MTFR2: variants seen among roughly 807,000 people sequenced by gnomAD.
MTFR2 encodes the protein DUF729 domain-containing protein 1.
In MTFR2, 44 loss-of-function variants were observed where a neutral mutation model predicts 41.2. The observed-to-expected ratio is 1.07, with a 90% CI of 0.84 to 1.37. The LOEUF (loss-of-function observed/expected upper bound fraction) is 1.37. Ranked by LOEUF, MTFR2 falls within the 40% of genes most tolerant of loss-of-function variation. The probability of loss-of-function intolerance (pLI) is 0.00; values close to 1 mark genes in which losing one functional copy is unlikely to be tolerated. For synonymous variants in MTFR2, 141 were observed against 154.6 expected, an observed-to-expected ratio of 0.91 and a Z score of 0.65; for missense variants, 452 against 459.5, an observed-to-expected ratio of 0.98 and a Z score of 0.15.
intron 5 of MTFR2, among the ~76,000 whole-genome samples, chr6:136,240,601 G>A (rs1403075651): frequency 1.3e-5 from 2 of 152,102 alleles, no homozygotes; most frequent in South Asian, 2.1e-4. Flanking sequence ...GTGTATGTGT[G>A]TGCATAAGTT....
intron 5 of MTFR2, 111 bp from the exon 6 acceptor site, chr6:136,239,931 C>T (rs1002559092): frequency 1.3e-5 from 10 of 793,202 alleles, no homozygotes; most frequent in South Asian, 2.1e-5. Flanking sequence ...ATGCTAGTAG[C>T]GATATGGTAG....
intron 7 of MTFR2, among the ~76,000 whole-genome samples, chr6:136,232,474 G>C (rs1231813890): frequency 1.3e-5 from 2 of 152,110 alleles, no homozygotes; most frequent in African/African-American, 4.8e-5. Flanking sequence ...GGTCAGGCTG[G>C]TCTCGAACTC....
At chr6:136,236,757 A>T (rs1410467384) in intron 6 of MTFR2, among the ~76,000 whole-genome samples, 1 of 152,172 alleles carries the variant, frequency 6.6e-6, no homozygotes, top group African/African-American at 2.4e-5. Flanking sequence ...TTAAAAACAG[A>T]ACTGACTTAT....
intron 2 of MTFR2, chr6:136,248,692 T>G (rs1780283156): frequency 3.8e-6 from 1 of 262,568 alleles, no homozygotes; most frequent in Non-Finnish European, 7.1e-6. Context: ...ATTAGATTTA[T>G]TCTGGATTTA....
intron 2 of MTFR2, among the ~76,000 whole-genome samples, chr6:136,246,659 T>G (rs1780219684): frequency 6.6e-6 from 1 of 152,162 alleles, no homozygotes; most frequent in Admixed American, 6.5e-5. Context: ...CTAATTTTCC[T>G]ACCAAGCATG....
intron 4 of MTFR2, among the ~76,000 whole-genome samples, chr6:136,241,981 G>A (rs919356338): frequency 1.3e-4 from 19 of 150,056 alleles, no homozygotes; most frequent in Admixed American, 8.0e-4. Context: ...TCAGGAGGCT[G>A]AGGCAGGAGA....
rs1187854928 is a variant in MTFR2 at position 136,241,382 on chromosome 6, G to A, written c.514+62C>T. ...ATTCAGTACAGTATCATGCTGTACAGGTTGGTATAGGCTATACCATGAGTA... is the reference window on the plus strand; with the variant it reads ...ATTCAGTACAGTATCATGCTGTACAAGTTGGTATAGGCTATACCATGAGTA... On this transcript the variant is annotated intron_variant, in intron 5 of 7. Transcript: ENST00000420702. The A allele has an allele frequency of 3.8e-6, 5 of 1,298,808 alleles. No homozygotes were observed. In the South Asian group the frequency reaches 6.4e-5, roughly 17 times the overall value. 80.5% of individuals were successfully genotyped at this position (1,298,808 alleles called of 1,614,324 possible). A position where few individuals can be genotyped will look rare whatever the true frequency, so the allele number is the denominator to read the frequency against.
At chr6:136,234,219 G>T (rs1010848647) in intron 6 of MTFR2, among the ~76,000 whole-genome samples, 2 of 147,670 alleles carry the variant, frequency 1.4e-5, no homozygotes, top group Non-Finnish European at 3.0e-5. Flanking sequence ...AAGGCAGGAG[G>T]ATCACTTGAG....
rs1198404870 is a variant in MTFR2, at chr6:136,231,369, T to C, written c.1064A>G (p.Gln355Arg). Residue 355 changes from glutamine to arginine, a missense_variant, in exon 8 of 8, where the codon CAG becomes CGG. Coordinates refer to ENST00000420702, the MANE Select transcript of MTFR2 (RefSeq NM_001099286.3). Reference protein sequence around the residue: ...ETSRFGHHISQSEGQRTKEEM... With the variant: ...ETSRFGHHISRSEGQRTKEEM... ...TTCTTTAGTTCGCTGTCCTTCTGAC[T>C]GTGAAATGTGATGTCCAAACTGAAA... The C allele has an allele frequency of 1.9e-6, 3 of 1,608,274 alleles. No individual in the cohort carries two copies. In the African/African-American group the frequency reaches 4.0e-5, roughly 22 times the overall value.
intron 3 of MTFR2, among the ~76,000 whole-genome samples, chr6:136,243,808 A>C (rs1780147864): frequency 6.6e-6 from 1 of 151,654 alleles, no homozygotes; most frequent in Non-Finnish European, 1.5e-5. Flanking sequence ...AGGAGATGAG[A>C]GCTCCATGCA....
intron 5 of MTFR2, among the ~76,000 whole-genome samples, chr6:136,240,180 T>C (rs927757682): frequency 1.3e-5 from 2 of 152,180 alleles, no homozygotes; most frequent in Non-Finnish European, 2.9e-5. Context: ...GAAACACAAA[T>C]TGATGTATTC....
intron 7 of MTFR2, among the ~76,000 whole-genome samples, chr6:136,232,251 CTTT>C (rs1779780859): frequency 6.6e-6 from 1 of 151,924 alleles, no homozygotes; most frequent in African/African-American, 2.4e-5. Context: ...CTGTTACACT[CTTT>C]TTCTTTTTTT....
chr6:136,242,092 A>AC, intron 4 of MTFR2, among the ~76,000 whole-genome samples: 1 of 148,356 alleles, frequency 6.7e-6, no homozygotes, highest in African/African-American at 2.5e-5. Context: ...AAAAAAAAAA[A>AC]AAAAAAAAAA....
chr6:136,247,477 C>T, intron 2 of MTFR2: 1 of 455,948 alleles, frequency 2.2e-6, no homozygotes, highest in Non-Finnish European at 4.4e-6. Flanking sequence ...AAAGGCGGTG[C>T]TCAATCCTCT....
In MTFR2 at chr6:136,249,083, T is replaced by C. The variant is rs147085272; in HGVS notation, c.17A>G (p.Asn6Ser). The change falls in exon 2 of 8, where the codon AAT (asparagine) becomes AGT (serine). Residue 6 changes from asparagine to serine, a missense_variant. Asn to Ser is a conservative substitution (Grantham distance 46). Transcript: ENST00000420702. ...ATATTCCAGCATCTCTCTTAAGATA[T>C]TCAGTATGAGAGACATTGATGAAGC... is the stretch of plus-strand genomic sequence containing the variant. The part of the protein sequence containing the change: MSLIL[N>S]ILREMLEYFG... The C allele has an allele frequency of 1.5e-3, 2,430 of 1,595,960 alleles. 42 individuals are homozygous for C. The African/African-American group carries it at 0.028, about 18-fold the overall frequency.
intron 6 of MTFR2, among the ~76,000 whole-genome samples, chr6:136,237,239 C>T (rs919287965): frequency 3.9e-5 from 6 of 152,190 alleles, no homozygotes; most frequent in Non-Finnish European, 8.8e-5. Flanking sequence ...AACTGTGAAG[C>T]TCCCAAGTTG....
intron 2 of MTFR2, chr6:136,248,550 AG>A (rs1013132212): frequency 1.9e-5 from 3 of 155,086 alleles, no homozygotes; most frequent in African/African-American, 7.2e-5. Context: ...AGGCCTCCCC[AG>A]CCATGTGGAA....
At chr6:136,238,819 C>A (rs1264851087) in intron 6 of MTFR2, among the ~76,000 whole-genome samples, 1 of 152,062 alleles carries the variant, frequency 6.6e-6, no homozygotes, top group African/African-American at 2.4e-5. Context: ...GTAATCCCAG[C>A]GCTTTGGGAG....
rs1164264949 is a variant in MTFR2, at chr6:136,248,115, C to T, written c.63+922G>A. On this transcript the variant is annotated intron_variant, in intron 2 of 7. Transcript: ENST00000420702. The stretch of plus-strand genomic sequence containing the variant: ...TCCTTGACTACTTTCTTCTAATTCA[C>T]CCCACCCGTCTTCCTTACAATCTCA... Among the ~76,000 whole-genome samples, 5 of 152,158 alleles carry T rather than the reference C, an allele frequency of 3.3e-5. No homozygotes were observed. The East Asian group carries it at 9.6e-4, about 29-fold the overall frequency.
Sources: allele counts gnomAD v4.1 joint callset (sites outside exome capture counted in the v4.1 genomes callset), GRCh38; gene constraint gnomAD v4.1.1; transcripts MANE v1.5; gene names NCBI Gene and HGNC (gene_info 2026-07-23, HGNC 2026-07-21).